Variants in CYP27C1 observed in about 807,000 individuals in gnomAD.
CYP27C1 encodes cytochrome P450 27C1.
A neutral mutation model predicts 40.6 loss-of-function variants in CYP27C1; 29 were observed. The observed-to-expected ratio is 0.71, with a 90% CI of 0.53 to 0.97. CYP27C1 has a LOEUF of 0.97. Among genes scored for constraint, CYP27C1 ranks in the 50% least tolerant of loss-of-function variants. The probability of loss-of-function intolerance (pLI) is 0.00; values close to 1 mark genes in which losing one functional copy is unlikely to be tolerated. For missense variants in CYP27C1, 390 were observed against 485.8 expected, an observed-to-expected ratio of 0.80 and a Z score of 1.85; for synonymous variants, 198 against 186.8, an observed-to-expected ratio of 1.06 and a Z score of -0.49.
In CYP27C1 at chr2:127,208,194, T is replaced by C. The variant is rs1234359645; in HGVS notation, c.283-2104A>G. Among the ~76,000 whole-genome samples, 1 of 152,088 alleles carries C rather than the reference T, an allele frequency of 6.6e-6. No homozygotes were observed. Among genetic ancestry groups the C allele is most frequent in the Non-Finnish European group, 1.5e-5 (1 of 68,024 alleles). On this transcript the variant is annotated intron_variant, in intron 1 of 8. Transcript: ENST00000664447. The surrounding 1 kb of genome is among the most constrained non-coding windows in gnomAD (Gnocchi z 5.2). ...TGGCAGCCAGGGTATCCAGGTTCTCTCATCAAAATTGACTAGAAGGCTGGC... is the reference window on the plus strand; with the variant it reads ...TGGCAGCCAGGGTATCCAGGTTCTCCCATCAAAATTGACTAGAAGGCTGGC...
intron 2 of CYP27C1, among the ~76,000 whole-genome samples, chr2:127,204,190 C>T (rs1219080654): frequency 2.7e-5 from 4 of 149,578 alleles, no homozygotes; most frequent in South Asian, 2.1e-4. Context: ...CACTTGAACC[C>T]GGGAGGCAGA....
Position 127,208,897 on chromosome 2 carries a change from C to A in CYP27C1, c.283-2807G>T, listed in dbSNP as rs145181917. 6.6e-6 allele frequency among the ~76,000 whole-genome samples: 1 copy of A among 152,166 alleles called. No homozygotes were observed. Among genetic ancestry groups the A allele is most frequent in the Non-Finnish European group, 1.5e-5 (1 of 68,042 alleles). The stretch of plus-strand genomic sequence containing the variant: ...GGGGAAGGGGTGGCCACAGTCTCTG[C>A]GGACCAGCAGATTTAGCCTCTTCTC... On this transcript the variant is annotated intron_variant, in intron 1 of 8. Transcript: ENST00000664447. The surrounding 1 kb of genome is among the most constrained non-coding windows in gnomAD (Gnocchi z 5.2).
At chr2:127,210,505 A>G (rs1344921681) in intron 1 of CYP27C1, among the ~76,000 whole-genome samples, 3 of 152,224 alleles carry the variant, frequency 2.0e-5, no homozygotes, top group Non-Finnish European at 4.4e-5. Flanking sequence ...AAATTCGCAC[A>G]TAACAATACT....
In CYP27C1 at chr2:127,218,464, G is replaced by A. The variant is rs1455204388; in HGVS notation, c.282+1525C>T. ...TTTTGAGCCCTCTAAGCATTGGGGT[G>A]GGGGTGGCGGTTTGGAACTGTATAG... On this transcript the variant is annotated intron_variant, in intron 1 of 8. Coordinates refer to ENST00000664447, the MANE Select transcript of CYP27C1 (RefSeq NM_001367502.1). The surrounding 1 kb of genome is among the most constrained non-coding windows in gnomAD (Gnocchi z 6.0). 6.6e-6 allele frequency among the ~76,000 whole-genome samples: 1 copy of A among 152,174 alleles called. No individual in the cohort carries two copies. Among genetic ancestry groups the A allele is most frequent in the East Asian group, 1.9e-4 (1 of 5,200 alleles).
chr2:127,199,425 T>G lies in CYP27C1; in HGVS notation c.998A>C (p.Gln333Pro), dbSNP rs1187980232. 2 of 1,613,886 alleles carry G rather than the reference T, an allele frequency of 1.2e-6. No individual in the cohort carries two copies. Among genetic ancestry groups the G allele is most frequent in the East Asian group, 4.5e-5 (2 of 44,872 alleles). ...CTCAGTCACGTTGGCGTAGATCTCCTGCAGCGTCAGAGCCTGGCTAAGGAA... is the reference window on the plus strand; with the variant it reads ...CTCAGTCACGTTGGCGTAGATCTCCGGCAGCGTCAGAGCCTGGCTAAGGAA... ...YLFLSQALTL[Q>P]EIYANVTEML... Residue 333 changes from glutamine to proline, a missense_variant, in exon 5 of 9, where the codon CAG becomes CCG. Physicochemically the swap from Gln to Pro is moderately conservative, Grantham distance 76 (BLOSUM62 -1). Coordinates refer to ENST00000664447, the MANE Select transcript of CYP27C1 (RefSeq NM_001367502.1).
rs1682566421 is a variant in CYP27C1, at chr2:127,184,235, A to G, written c.*3036T>C. The G allele has an allele frequency of 6.6e-6, 1 of 152,168 alleles. No homozygotes were observed. The highest frequency in any genetic ancestry group is 1.5e-5 in the Non-Finnish European group (1 of 68,034). The allele number at this position is 152,168 out of a possible 1,614,324, so 9.4% of individuals were successfully genotyped here. On this transcript the variant is annotated 3_prime_UTR_variant, in exon 9 of 9. Coordinates refer to ENST00000664447, the MANE Select transcript of CYP27C1 (RefSeq NM_001367502.1). ...TTGCTCTCTTTTTTTCATGCATTGG[A>G]AGAATTAATATTTTTGGCTTTTATT...
intron 5 of CYP27C1, 38 bp downstream of exon 5, chr2:127,199,338 C>T (rs116546951): frequency 0.01 from 16,465 of 1,605,972 alleles, 113 homozygotes; most frequent in Middle Eastern, 0.016. Flanking sequence ...AAGGGGTTAT[C>T]GTGTGTTGCT....
chr2:127,206,041 G>A lies in CYP27C1; in HGVS notation c.332C>T (p.Pro111Leu), dbSNP rs2104694528. Residue 111 changes from proline to leucine, a missense_variant, in exon 2 of 9, where the codon CCT becomes CTT. Physicochemically the swap from Pro to Leu is moderately conservative, Grantham distance 98. Coordinates refer to ENST00000664447, the MANE Select transcript of CYP27C1 (RefSeq NM_001367502.1). ...YGKIFKSHFG[P>L]QFVVSIADRD... ...GTCTGCAATAGATACTACAAACTGA[G>A]GACCAAAGTGAGACTTGAAGATTTT... Among the ~76,000 whole-genome samples the A allele has an allele frequency of 6.6e-6, 1 of 152,358 alleles. No individual in the cohort carries two copies. The highest frequency in any genetic ancestry group is 2.1e-4 in the South Asian group (1 of 4,828).
rs186545517 is a variant in CYP27C1, at chr2:127,190,929, G to C, written c.1497+2165C>G. 2.1e-5 allele frequency among the ~76,000 whole-genome samples: 3 copies of C among 141,872 alleles called. No individual in the cohort carries two copies. The Admixed American group carries it at 2.1e-4, about 10-fold the overall frequency. 93.1% of individuals were successfully genotyped at this position (141,872 alleles called of 152,430 possible). A position where few individuals can be genotyped will look rare whatever the true frequency, so the allele number is the denominator to read the frequency against. On this transcript the variant is annotated intron_variant, in intron 8 of 8. Coordinates refer to ENST00000664447, the MANE Select transcript of CYP27C1 (RefSeq NM_001367502.1). ...CCACTGCACTCCAGCCTGGGTGACA[G>C]GGTGAGACTCTGAAAAAAAAAAAAA...
intron 2 of CYP27C1, among the ~76,000 whole-genome samples, chr2:127,204,555 G>GAAAGAGAAAGAA (rs1490579476): frequency 2.6e-5 from 1 of 39,152 alleles, no homozygotes; most frequent in Non-Finnish European, 5.0e-5. Context: ...GAGAGAGAGA[G>GAAAGAGAAAGAA]AGAAAGAAAG....
chr2:127,216,468 T>C (rs534939857), intron 1 of CYP27C1, among the ~76,000 whole-genome samples: 1 of 152,348 alleles, frequency 6.6e-6, no homozygotes, highest in African/African-American at 2.4e-5. Context: ...ACATATTACA[T>C]GATTCCACTT....
rs866732126 is a variant in CYP27C1, at chr2:127,200,681, G to A, written c.883+441C>T. 6.6e-6 allele frequency among the ~76,000 whole-genome samples: 1 copy of A among 152,108 alleles called. No homozygotes were observed. Among genetic ancestry groups the A allele is most frequent in the African/African-American group, 2.4e-5 (1 of 41,422 alleles). ...TGCTTCTTTGAAAAACAAATCCATG[G>A]CCAGGCGTGGTGGCTCACACTTGTA... On this transcript the variant is annotated intron_variant, in intron 4 of 8. Coordinates refer to ENST00000664447, the MANE Select transcript of CYP27C1 (RefSeq NM_001367502.1). The surrounding 1 kb of genome is among the most constrained non-coding windows in gnomAD (Gnocchi z 4.2).
Position 127,199,450 on chromosome 2 carries a change from A to C in CYP27C1, c.973T>G (p.Phe325Val). 1 of 1,614,204 alleles carries C rather than the reference A, an allele frequency of 6.2e-7. No homozygotes were observed. Among genetic ancestry groups the C allele is most frequent in the Non-Finnish European group, 8.5e-7 (1 of 1,180,024 alleles). Residue 325 changes from phenylalanine to valine, a missense_variant, in exon 5 of 9, where the codon TTC becomes GTC. Physicochemically the swap from Phe to Val is conservative, Grantham distance 50. Coordinates refer to ENST00000664447, the MANE Select transcript of CYP27C1 (RefSeq NM_001367502.1). Reference protein sequence around the residue: ...RVSGGLLTYLFLSQALTLQEI... With the variant: ...RVSGGLLTYLVLSQALTLQEI... ...TGCAGCGTCAGAGCCTGGCTAAGGA[A>C]GAGGTATGTGAGAAGTCCCCCGCTC...
chr2:127,195,249 G>A lies in CYP27C1; in HGVS notation c.1214+86C>T, dbSNP rs73953287. 2,651 of 1,533,800 alleles carry A rather than the reference G, an allele frequency of 1.7e-3. 22 individuals carry two copies. The African/African-American group carries it at 0.03, about 17-fold the overall frequency. Reference sequence around the variant, plus strand: ...CATCCTCATCCTGAACAGGTCAGCCGGGGGGGCATTTGGAGGACTTGTTGT... The same window carrying A: ...CATCCTCATCCTGAACAGGTCAGCCAGGGGGGCATTTGGAGGACTTGTTGT... On this transcript the variant is annotated intron_variant, in intron 6 of 8. Coordinates refer to ENST00000664447, the MANE Select transcript of CYP27C1 (RefSeq NM_001367502.1). This position sits in a 1 kb window ranked among gnomAD's most constrained non-coding sequence, Gnocchi z 6.2.
intron 8 of CYP27C1, among the ~76,000 whole-genome samples, chr2:127,189,503 T>C (rs769416046): frequency 1.3e-5 from 2 of 151,886 alleles, no homozygotes; most frequent in Non-Finnish European, 2.9e-5. Context: ...ACCTAATGCA[T>C]GTGGGGCTTA....
chr2:127,211,379 T>G lies in CYP27C1; in HGVS notation c.283-5289A>C, dbSNP rs1030742621. 1.4e-3 allele frequency among the ~76,000 whole-genome samples: 173 copies of G among 126,990 alleles called. 1 individual carries two copies. Among genetic ancestry groups the G allele is most frequent in the African/African-American group, 3.6e-3 (119 of 33,490 alleles). The allele number at this position is 126,990 out of a possible 152,430, so 83.3% of individuals were successfully genotyped here. The stretch of plus-strand genomic sequence containing the variant: ...AAGCAGTGTTTTTTTGTTTTTTTTT[T>G]TTTTTTTTTTTTTTTTTTTTTGAGA... On this transcript the variant is annotated intron_variant, in intron 1 of 8. Coordinates refer to ENST00000664447, the MANE Select transcript of CYP27C1 (RefSeq NM_001367502.1).
chr2:127,187,074 T>C lies in CYP27C1; in HGVS notation c.*197A>G. The C allele has an allele frequency of 1.8e-6, 1 of 563,072 alleles. No individual in the cohort carries two copies. Among genetic ancestry groups the C allele is most frequent in the South Asian group, 2.3e-5 (1 of 44,418 alleles). 34.9% of individuals were successfully genotyped at this position (563,072 alleles called of 1,614,324 possible). On this transcript the variant is annotated 3_prime_UTR_variant, in exon 9 of 9. Transcript: ENST00000664447. ...CCCAAAGAAAGGGCAACTTCTGGTA[T>C]GCACCAGTAAAATAGCAACCTTTTT...
chr2:127,197,522 C>T (rs1682931914), intron 5 of CYP27C1, among the ~76,000 whole-genome samples: 1 of 152,154 alleles, frequency 6.6e-6, no homozygotes, highest in Non-Finnish European at 1.5e-5. Flanking sequence ...GTTTCCCCAC[C>T]TGTTAATGAA....
At chr2:127,192,625 G>C (rs560185007) in intron 8 of CYP27C1, among the ~76,000 whole-genome samples, 4,662 of 152,042 alleles carry the variant, frequency 0.031, 249 homozygotes, top group African/African-American at 0.11. Flanking sequence ...TTCCCGGGGG[G>C]GGGGGCTGCT....
Sources: gnomAD v4.1 joint callset for allele counts (sites outside exome capture counted in the v4.1 genomes callset) on GRCh38, gnomAD v4.1.1 for gene constraint, Gnocchi (gnomAD v3.1) non-coding constraint, MANE v1.5 for transcripts, NCBI Gene and HGNC (gene_info 2026-07-23, HGNC 2026-07-21) for gene names.